Variants in ADAMTSL1 observed in about 807,000 individuals in gnomAD.
ADAMTSL1 encodes the protein ADAMTS like 1.
ADAMTSL1 carries 126 observed loss-of-function variants against 201.8 expected under a neutral mutation model. The ratio of observed to expected loss-of-function variants is 0.62; its 90% CI spans 0.54 to 0.72. The LOEUF (loss-of-function observed/expected upper bound fraction) is 0.72, where lower values mean the gene tolerates loss of function less well. Ranked by LOEUF, ADAMTSL1 falls within the 30% of genes least tolerant of loss-of-function variation. The pLI, the probability that ADAMTSL1 is intolerant of heterozygous loss-of-function variation, is 0.00. For synonymous variants in ADAMTSL1, 1,121 were observed against 903.4 expected (o/e 1.24, Z -4.32); for missense variants, 2,679 against 2,277.8 (o/e 1.18, Z -3.59).
intron 1 of ADAMTSL1, among the ~76,000 whole-genome samples, chr9:18,026,108 G>A (rs1242882132): frequency 6.6e-6 from 1 of 152,020 alleles, no homozygotes; most frequent in Admixed American, 6.6e-5. Context: ...GGAGCCCTTT[G>A]GTAGAGTCTT....
chr9:18,287,215 T>C (rs1035307957), intron 2 of ADAMTSL1, among the ~76,000 whole-genome samples: 1 of 152,128 alleles, frequency 6.6e-6, no homozygotes, highest in African/African-American at 2.4e-5. Context: ...CTTAAAGCTC[T>C]GCTTGAAGAT....
At chr9:18,386,676 C>T (rs1837805928) in intron 2 of ADAMTSL1, among the ~76,000 whole-genome samples, 1 of 152,132 alleles carries the variant, frequency 6.6e-6, no homozygotes, top group African/African-American at 2.4e-5. Context: ...AGCTTCTTCA[C>T]TTTGTGACAT....
intron 4 of ADAMTSL1, among the ~76,000 whole-genome samples, chr9:18,606,669 A>T (rs1335340084): frequency 6.6e-6 from 1 of 152,188 alleles, no homozygotes; most frequent in Non-Finnish European, 1.5e-5. Flanking sequence ...TCACCTGTTC[A>T]GTTGCAGAGT....
At chr9:18,852,004 T>C (rs1826525732) in intron 23 of ADAMTSL1, among the ~76,000 whole-genome samples, 1 of 152,214 alleles carries the variant, frequency 6.6e-6, no homozygotes, top group African/African-American at 2.4e-5. Context: ...GTTTAACCAC[T>C]GCCTGACCAT....
intron 2 of ADAMTSL1, among the ~76,000 whole-genome samples, chr9:18,244,259 A>G (rs754557033): frequency 6.6e-6 from 1 of 151,526 alleles, no homozygotes; most frequent in Non-Finnish European, 1.5e-5. Flanking sequence ...TCTGGCACAG[A>G]CTCTCTCAAG....
chr9:18,432,614 C>T (rs989365713), intron 2 of ADAMTSL1, among the ~76,000 whole-genome samples: 1 of 152,140 alleles, frequency 6.6e-6, no homozygotes, highest in African/African-American at 2.4e-5. Flanking sequence ...GAAATGAGCA[C>T]TAGATTGAAC....
chr9:18,839,833 C>G (rs930679776), intron 23 of ADAMTSL1, among the ~76,000 whole-genome samples: 1 of 151,184 alleles, frequency 6.6e-6, no homozygotes, highest in Non-Finnish European at 1.5e-5. Context: ...TAAATGTCTT[C>G]TTTTGAGAAG....
chr9:17,980,354 C>G (rs1455312920), intron 1 of ADAMTSL1, among the ~76,000 whole-genome samples: 2 of 152,054 alleles, frequency 1.3e-5, no homozygotes, highest in Admixed American at 1.3e-4. Flanking sequence ...CATTTTCCAT[C>G]TTTTTGCCTC....
rs1825802605 is a variant in ADAMTSL1, at chr9:18,127,846, A to AT, written c.88-36012dup. ...AGACTACCGGCATATCATCATTTCC[A>AT]TTTTGTTTTCCTCTCCTGATAGAAG... is the stretch of plus-strand genomic sequence containing the variant. On this transcript the variant is annotated intron_variant, in intron 1 of 29. Coordinates refer to the ADAMTSL1 transcript ENST00000680146. Among the ~76,000 whole-genome samples, 3 of 152,210 alleles carry AT rather than the reference A, an allele frequency of 2.0e-5. No individual in the cohort carries two copies. The South Asian group carries it at 6.2e-4, about 32-fold the overall frequency.
At chr9:18,376,714 G>A (rs1837312001) in intron 2 of ADAMTSL1, among the ~76,000 whole-genome samples, 1 of 152,108 alleles carries the variant, frequency 6.6e-6, no homozygotes, top group African/African-American at 2.4e-5. Flanking sequence ...GCTGAGGCTG[G>A]AGAATCACTT....
intron 14 of ADAMTSL1, 118 bp downstream of exon 14, chr9:18,707,166 G>A: frequency 7.8e-7 from 1 of 1,278,050 alleles, no homozygotes; most frequent in Non-Finnish European, 1.1e-6. Context: ...GAGGAGGAGG[G>A]GAGGCAGCCA....
intron 2 of ADAMTSL1, among the ~76,000 whole-genome samples, chr9:18,466,000 C>T (rs1161428496): frequency 6.6e-6 from 1 of 152,158 alleles, no homozygotes; most frequent in Non-Finnish European, 1.5e-5. Flanking sequence ...ATCTGCTCTC[C>T]TCAGCCTCCC....
intron 24 of ADAMTSL1, 31 bp from the exon 25 acceptor site, chr9:18,889,537 C>A (rs554004669): frequency 1.9e-6 from 3 of 1,609,268 alleles, no homozygotes; most frequent in Non-Finnish European, 2.5e-6. Flanking sequence ...ATGCTATATT[C>A]TTTTCTACAC....
At chr9:18,325,550 A>G (rs1834797067) in intron 2 of ADAMTSL1, among the ~76,000 whole-genome samples, 1 of 152,216 alleles carries the variant, frequency 6.6e-6, no homozygotes, top group African/African-American at 2.4e-5. Context: ...TGCTATAGCA[A>G]CATACCACAG....
rs368334156 is a variant in ADAMTSL1 at position 18,611,689 on chromosome 9, C to A, written c.475-10554C>A. On this transcript the variant is annotated intron_variant, in intron 4 of 28. Coordinates refer to ENST00000380548, the MANE Select transcript of ADAMTSL1 (RefSeq NM_001040272.6). ...ATCCAGCCATTAGATGGTTTAGATT[C>A]TTGACTTCAAGAAAGGCAATATAGG... Among the ~76,000 whole-genome samples the A allele has an allele frequency of 4.6e-5, 7 of 152,242 alleles. No homozygotes were observed. In the East Asian group the frequency reaches 5.8e-4, roughly 13 times the overall value.
intron 2 of ADAMTSL1, among the ~76,000 whole-genome samples, chr9:18,319,951 G>T (rs1436023129): frequency 6.6e-6 from 1 of 152,148 alleles, no homozygotes. Flanking sequence ...AAAGAGATTT[G>T]AAGTGTGATA....
intron 13 of ADAMTSL1, among the ~76,000 whole-genome samples, chr9:18,700,192 A>G (rs1455646993): frequency 1.3e-5 from 2 of 152,236 alleles, no homozygotes; most frequent in Non-Finnish European, 2.9e-5. Context: ...GAATGCCTTA[A>G]TATTATAGAT....
chr9:18,773,302 T>C (rs7046895), intron 17 of ADAMTSL1, among the ~76,000 whole-genome samples: 4,819 of 152,290 alleles, frequency 0.032, 277 homozygotes, highest in African/African-American at 0.11. Context: ...CAAAAGGCCA[T>C]ACTTCTTTTC....
intron 1 of ADAMTSL1, among the ~76,000 whole-genome samples, chr9:18,101,728 G>A (rs1360437587): frequency 6.6e-6 from 1 of 152,164 alleles, no homozygotes; most frequent in African/African-American, 2.4e-5. Context: ...ATTGCAGGTA[G>A]GATTGAATAA....
Sources: gnomAD v4.1 joint callset for allele counts (sites outside exome capture counted in the v4.1 genomes callset) on GRCh38, gnomAD v4.1.1 for gene constraint, MANE v1.5 for transcripts, NCBI Gene and HGNC (gene_info 2026-07-23, HGNC 2026-07-21) for gene names.